PIK3C3: variants seen among roughly 807,000 people sequenced by gnomAD.
PIK3C3 encodes phosphatidylinositol 3-kinase catalytic subunit type 3, also known as PI3-kinase type 3.
A neutral mutation model predicts 126.1 loss-of-function variants in PIK3C3; 95 were observed. The observed-to-expected ratio is 0.75, with a 90% CI of 0.64 to 0.89. PIK3C3 has a LOEUF of 0.89. Among genes scored for constraint, PIK3C3 ranks in the 40% least tolerant of loss-of-function variants. PIK3C3 has a pLI of 0.00. For missense variants in PIK3C3, 829 were observed against 1,063.2 expected (o/e 0.78, Z 3.06); for synonymous variants, 374 against 360.0 (o/e 1.04, Z -0.44).
At chr18:42,064,583 C>T in intron 22 of PIK3C3, 157 bp from the exon 23 acceptor site, 1 of 564,312 alleles carries the variant, frequency 1.8e-6, no homozygotes. Flanking sequence ...TTTGTCAAGG[C>T]TTGCATTTCA....
In PIK3C3 at chr18:42,043,751, G is replaced by T. The variant is rs773675191; in HGVS notation, c.2122G>T (p.Ala708Ser). The T allele has an allele frequency of 6.2e-6, 10 of 1,610,844 alleles. No homozygotes were observed. Among genetic ancestry groups the T allele is most frequent in the Non-Finnish European group, 8.5e-6 (10 of 1,177,310 alleles). The change falls in exon 20 of 25, where the codon GCA becomes TCA. Residue 708 changes from alanine (A) to serine (S), a missense_variant. Around this residue, in one of 4 missense-constraint regions of PIK3C3, gnomAD observed 196 missense variants for 312.8 expected, o/e 0.63. Coordinates refer to ENST00000262039, the MANE Select transcript of PIK3C3 (RefSeq NM_002647.4). ...TTTTCAGAACTTTTTTAGAAAATAT[G>T]CACCAAGTGAGAATGGGCCAAATGG... ...GSIQNFFRKY[A>S]PSENGPNGIS... is the part of the protein sequence containing the mutation.
At chr18:42,034,821 A>G (rs1983976923) in intron 16 of PIK3C3, among the ~76,000 whole-genome samples, 1 of 152,234 alleles carries the variant, frequency 6.6e-6, no homozygotes, top group South Asian at 2.1e-4. Context: ...GAAAGGGCTC[A>G]TAGAACAACA....
intron 6 of PIK3C3, among the ~76,000 whole-genome samples, chr18:41,992,632 C>T (rs1377139762): frequency 2.0e-5 from 3 of 152,098 alleles, no homozygotes; most frequent in Admixed American, 6.6e-5. Context: ...AGCCAACATT[C>T]TTCAAAGGTG....
At chr18:42,064,973 T>C in intron 23 of PIK3C3, 143 bp downstream of exon 23, 1 of 545,690 alleles carries the variant, frequency 1.8e-6, no homozygotes, top group African/African-American at 1.9e-5. Flanking sequence ...TTCTCTCATC[T>C]GGAGAGACAG....
chr18:42,027,477 C>A lies in PIK3C3; in HGVS notation c.1519C>A (p.Gln507Lys). 1 of 1,609,430 alleles carries A rather than the reference C, an allele frequency of 6.2e-7. No homozygotes were observed. Among genetic ancestry groups the A allele is most frequent in the South Asian group, 1.1e-5 (1 of 90,906 alleles). The stretch of plus-strand genomic sequence containing the variant: ...AGTGGAATGTGAAGATCAAGATACT[C>A]AGCAGAGAGATCCAAAGACCCATGA... ...VIVECEDQDT[Q>K]QRDPKTHEMY... is the part of the protein sequence containing the mutation. Residue 507 changes from glutamine (Q) to lysine (K), a missense_variant, in exon 14 of 25, where the codon CAG becomes AAG. Around this residue, in one of 4 missense-constraint regions of PIK3C3, gnomAD observed 256 missense variants for 291.0 expected, o/e 0.88. Transcript: ENST00000262039.
chr18:42,015,403 C>G (rs1278732439), intron 11 of PIK3C3, 73 bp from the exon 12 acceptor site: 4 of 1,083,594 alleles, frequency 3.7e-6, no homozygotes, highest in East Asian at 4.8e-5. Context: ...GTGAACTGTT[C>G]CATAAAAAAT....
At chr18:41,965,361 A>C (rs775123974) in intron 3 of PIK3C3, among the ~76,000 whole-genome samples, 2 of 152,226 alleles carry the variant, frequency 1.3e-5, no homozygotes, top group African/African-American at 2.4e-5. Context: ...GGGAGGGACA[A>C]TTGAAATTTC....
chr18:42,011,952 A>AT (rs1390406798), intron 10 of PIK3C3, among the ~76,000 whole-genome samples: 2 of 152,194 alleles, frequency 1.3e-5, no homozygotes, highest in Non-Finnish European at 2.9e-5. Flanking sequence ...ACATTAATTG[A>AT]TTAAGTGTGC....
intron 5 of PIK3C3, among the ~76,000 whole-genome samples, chr18:41,988,880 T>A (rs1052060765): frequency 7.2e-5 from 11 of 152,122 alleles, no homozygotes. Flanking sequence ...CTAACTTATA[T>A]TTTTCTCTTC....
At chr18:42,073,038 A>C (rs778999469) in intron 24 of PIK3C3, among the ~76,000 whole-genome samples, 1 of 152,218 alleles carries the variant, frequency 6.6e-6, no homozygotes, top group Non-Finnish European at 1.5e-5. Flanking sequence ...TGTGTTTTCC[A>C]GTAATGTTAA....
At chr18:42,027,734 A>C (rs1386698160) in intron 14 of PIK3C3, among the ~76,000 whole-genome samples, 186 bp downstream of exon 14, 8 of 152,148 alleles carry the variant, frequency 5.3e-5, no homozygotes. Flanking sequence ...AGCTCACTGC[A>C]GCCTCTGCCT....
chr18:42,064,210 T>A (rs941823051), intron 22 of PIK3C3, among the ~76,000 whole-genome samples: 1 of 152,198 alleles, frequency 6.6e-6, no homozygotes, highest in Non-Finnish European at 1.5e-5. Context: ...TTTTCTTTCT[T>A]ATAGAATTAC....
chr18:41,984,835 C>T (rs992340858), intron 4 of PIK3C3: 3 of 152,176 alleles, frequency 2.0e-5, no homozygotes, highest in African/African-American at 7.2e-5. Flanking sequence ...TCACACTCTT[C>T]CACATTATAT....
chr18:42,045,610 A>AGGGC (rs1463068661), intron 20 of PIK3C3, among the ~76,000 whole-genome samples: 2 of 152,228 alleles, frequency 1.3e-5, no homozygotes, highest in Non-Finnish European at 2.9e-5. Context: ...TCTGAAGGCC[A>AGGGC]GGGCTGGGAA....
chr18:42,010,617 C>T (rs572151997), intron 10 of PIK3C3, among the ~76,000 whole-genome samples: 3 of 152,260 alleles, frequency 2.0e-5, no homozygotes, highest in South Asian at 2.1e-4. Flanking sequence ...CCACCCACCT[C>T]GGCCTCCCAA....
chr18:42,018,604 C>A lies in PIK3C3; in HGVS notation c.1417-2034C>A, dbSNP rs561034193. 3.9e-5 allele frequency among the ~76,000 whole-genome samples: 6 copies of A among 152,166 alleles called. No individual in the cohort carries two copies. In the South Asian group the frequency reaches 1.2e-3, roughly 32 times the overall value. On this transcript the variant is annotated intron_variant, in intron 12 of 24. Transcript: ENST00000262039. Reference sequence around the variant, plus strand: ...CTTACTGAAAGCATTGGCACATCTACTTTGTAACAACACCCTCTTATTACT... The same window carrying A: ...CTTACTGAAAGCATTGGCACATCTAATTTGTAACAACACCCTCTTATTACT...
intron 8 of PIK3C3, among the ~76,000 whole-genome samples, chr18:41,996,294 A>G (rs1303689072): frequency 6.6e-6 from 1 of 152,190 alleles, no homozygotes; most frequent in Non-Finnish European, 1.5e-5. Flanking sequence ...GCCTTGTTGT[A>G]TGCATTGACT....
intron 10 of PIK3C3, among the ~76,000 whole-genome samples, chr18:42,010,720 T>C (rs1021423681): frequency 1.3e-5 from 2 of 152,224 alleles, no homozygotes; most frequent in African/African-American, 4.8e-5. Flanking sequence ...TTAATCTTGC[T>C]ATTTTGACCT....
chr18:42,047,087 T>G (rs1330168437), intron 20 of PIK3C3, among the ~76,000 whole-genome samples: 1 of 152,174 alleles, frequency 6.6e-6, no homozygotes, highest in African/African-American at 2.4e-5. Flanking sequence ...ATGAAAATTT[T>G]AGGTCAGAAT....
Sources: gnomAD v4.1 joint callset for allele counts (sites outside exome capture counted in the v4.1 genomes callset) on GRCh38, gnomAD v4.1.1 for gene constraint, gnomAD v4.1.1 regional missense constraint, MANE v1.5 for transcripts, NCBI Gene and HGNC (gene_info 2026-07-23, HGNC 2026-07-21) for gene names.